Variants in MME observed in about 807,000 individuals in gnomAD.
The protein encoded by MME is membrane metalloendopeptidase.
Under a neutral mutation model 113.2 loss-of-function variants are expected in MME, and 98 were observed. That is an observed-to-expected ratio of 0.87 (90% CI 0.74 to 1.02). The LOEUF is 1.02. Ranked by LOEUF, MME falls within the 50% of genes least tolerant of loss-of-function variation. The probability of loss-of-function intolerance (pLI) is 0.00; values close to 1 mark genes in which losing one functional copy is unlikely to be tolerated. For missense variants in MME, 836 were observed against 896.0 expected (o/e 0.93, Z 0.86); for synonymous variants, 292 against 300.6 (o/e 0.97, Z 0.30).
intron 1 of MME, chr3:155,083,916 C>A: frequency 2.2e-6 from 1 of 455,142 alleles, no homozygotes; most frequent in Middle Eastern, 6.5e-4. Context: ...CAGTGATATA[C>A]CAAAGCAAAA....
chr3:155,068,572 A>G (rs1473314123), intron 1 of MME, among the ~76,000 whole-genome samples: 1 of 152,154 alleles, frequency 6.6e-6, no homozygotes, highest in Admixed American at 6.6e-5. Context: ...TTGTTTCTAT[A>G]CTTTTAACTA....
chr3:155,113,176 C>T (rs565890714), intron 3 of MME, among the ~76,000 whole-genome samples: 3 of 152,162 alleles, frequency 2.0e-5, no homozygotes, highest in Non-Finnish European at 2.9e-5. Flanking sequence ...GACACATTGA[C>T]GAGGGCCATC....
intron 1 of MME, among the ~76,000 whole-genome samples, chr3:155,046,611 A>T (rs1713571583): frequency 6.6e-6 from 1 of 152,142 alleles, no homozygotes; most frequent in South Asian, 2.1e-4. Flanking sequence ...AATCGCTTGA[A>T]CCCAGGAGGC....
At chr3:155,055,745 G>A (rs1023825913) in intron 1 of MME, among the ~76,000 whole-genome samples, 1 of 152,178 alleles carries the variant, frequency 6.6e-6, no homozygotes, top group Non-Finnish European at 1.5e-5. Context: ...GGTCCCTGAG[G>A]CACTAGCCGT....
intron 1 of MME, among the ~76,000 whole-genome samples, chr3:155,030,082 A>T (rs560819168): frequency 6.0e-4 from 91 of 152,320 alleles, no homozygotes; most frequent in Non-Finnish European, 1.1e-3. Flanking sequence ...GAACATTTAC[A>T]TCCCAAAGGC....
chr3:155,102,630 A>G (rs749296774), intron 3 of MME, among the ~76,000 whole-genome samples: 3 of 152,210 alleles, frequency 2.0e-5, no homozygotes, highest in Non-Finnish European at 4.4e-5. Context: ...ACCAGCCAGA[A>G]CCATAAAGAC....
chr3:155,129,039 T>G (rs1388547644), intron 8 of MME, among the ~76,000 whole-genome samples: 1 of 152,206 alleles, frequency 6.6e-6, no homozygotes, highest in East Asian at 1.9e-4. Context: ...ATACAATCAA[T>G]GGGTATCATA....
At chr3:155,112,882 G>A (rs1174935354) in intron 3 of MME, 2 of 152,134 alleles carry the variant, frequency 1.3e-5, no homozygotes, top group East Asian at 1.9e-4. Context: ...GATACAAAGA[G>A]ATTAATCACA....
Position 155,182,002 on chromosome 3 carries a change from A to G in MME, c.*1543A>G, listed in dbSNP as rs922860682. The G allele has an allele frequency of 1.3e-5, 2 of 152,202 alleles. No individual in the cohort carries two copies. The highest frequency in any genetic ancestry group is 1.5e-5 in the Non-Finnish European group (1 of 68,034). 9.4% of individuals were successfully genotyped at this position (152,202 alleles called of 1,614,324 possible). On this transcript the variant is annotated 3_prime_UTR_variant, in exon 23 of 23. Coordinates refer to ENST00000360490, the MANE Select transcript of MME (RefSeq NM_007289.4). Reference sequence around the variant, plus strand: ...TATACAGTTCAATAAACTTAACTTTAACTGAACAATGGCCCTGTAGCCAGC... The same window carrying G: ...TATACAGTTCAATAAACTTAACTTTGACTGAACAATGGCCCTGTAGCCAGC...
At chr3:155,078,337 G>C (rs1248960076), upstream of MME, among the ~76,000 whole-genome samples, 1 of 152,166 alleles carries the variant, frequency 6.6e-6, no homozygotes, top group African/African-American at 2.4e-5. Flanking sequence ...AATAGTGTCT[G>C]TAAGATGCAC....
intron 17 of MME, 38 bp downstream of exon 17, chr3:155,160,486 T>C: frequency 7.2e-7 from 1 of 1,394,468 alleles, no homozygotes. Flanking sequence ...AATATTTCTC[T>C]ATCGTTCCCA....
intron 8 of MME, among the ~76,000 whole-genome samples, chr3:155,128,511 G>A (rs942815501): frequency 1.2e-4 from 19 of 152,138 alleles, no homozygotes; most frequent in Non-Finnish European, 2.8e-4. Flanking sequence ...TGGAAGGAAT[G>A]TTAATGTCAG....
At chr3:155,031,750 C>T (rs143081273) in intron 1 of MME, among the ~76,000 whole-genome samples, 2,606 of 152,226 alleles carry the variant, frequency 0.017, 82 homozygotes, top group African/African-American at 0.059. Context: ...CTCTGCCTCC[C>T]GGGTTCAAGT....
chr3:155,115,270 T>A, intron 4 of MME, 115 bp downstream of exon 4: 2 of 1,312,372 alleles, frequency 1.5e-6, no homozygotes, highest in African/African-American at 1.5e-5. Flanking sequence ...AAGTTAATAA[T>A]CCTTCCAGGA....
intron 9 of MME, 89 bp downstream of exon 9, chr3:155,138,325 ACAGCACTTTAAC>A (rs1340488910): frequency 7.3e-7 from 1 of 1,377,464 alleles, no homozygotes; most frequent in African/African-American, 1.4e-5. Context: ...AGTAAAAGGT[ACAGCACTTTAAC>A]CAAGTAGTAA....
chr3:155,153,707 A>C (rs1722116557), intron 16 of MME, among the ~76,000 whole-genome samples: 1 of 152,168 alleles, frequency 6.6e-6, no homozygotes, highest in Non-Finnish European at 1.5e-5. Context: ...AACTTTTTAT[A>C]AAGTACAAAG....
intron 8 of MME, among the ~76,000 whole-genome samples, chr3:155,134,011 G>A (rs529922182): frequency 4.0e-5 from 6 of 151,694 alleles, no homozygotes; most frequent in East Asian, 2.0e-4. Context: ...AGACATACTC[G>A]TTTACTTCAA....
chr3:155,106,155 A>G (rs1717668414), intron 3 of MME, among the ~76,000 whole-genome samples: 2 of 152,198 alleles, frequency 1.3e-5, no homozygotes, highest in Non-Finnish European at 2.9e-5. Flanking sequence ...TATGCTTGGA[A>G]ACTTCTTTCA....
intron 1 of MME, among the ~76,000 whole-genome samples, chr3:155,056,042 C>T (rs1415111758): frequency 1.3e-5 from 2 of 152,088 alleles, no homozygotes; most frequent in East Asian, 1.9e-4. Flanking sequence ...CCCCATCCCA[C>T]CCAATTTTTC....
Sources: gnomAD v4.1 joint callset for allele counts (sites outside exome capture counted in the v4.1 genomes callset) on GRCh38, gnomAD v4.1.1 for gene constraint, MANE v1.5 for transcripts, NCBI Gene and HGNC (gene_info 2026-07-23, HGNC 2026-07-21) for gene names.